The following H6PD variants were observed in gnomAD, a reference collection of about 807,000 sequenced individuals.
The protein encoded by H6PD is GDH/6PGL endoplasmic bifunctional protein.
A neutral mutation model predicts 61.2 loss-of-function variants in H6PD; 48 were observed. The observed-to-expected ratio is 0.78, with a 90% CI of 0.62 to 1.00. H6PD has a LOEUF of 1.00. Among genes scored for constraint, H6PD ranks in the 50% least tolerant of loss-of-function variants. The probability of loss-of-function intolerance (pLI) is 0.00; values close to 1 mark genes in which losing one functional copy is unlikely to be tolerated. For synonymous variants in H6PD, 480 were observed against 457.9 expected, an observed-to-expected ratio of 1.05 and a Z score of -0.62; for missense variants, 1,093 against 1,065.0, an observed-to-expected ratio of 1.03 and a Z score of -0.37.
intron 3 of H6PD, among the ~76,000 whole-genome samples, chr1:9,248,846 C>T (rs1306185800): frequency 6.6e-6 from 1 of 152,218 alleles, no homozygotes; most frequent in Non-Finnish European, 1.5e-5. Flanking sequence ...CTCAGGGAAT[C>T]GTCCTCCAGC....
intron 1 of H6PD, among the ~76,000 whole-genome samples, chr1:9,237,722 C>T (rs936194857): frequency 9.2e-5 from 14 of 152,082 alleles, no homozygotes; most frequent in African/African-American, 3.4e-4. Context: ...AGTGTTGTTC[C>T]AAGTAGTAAG....
intron 3 of H6PD, among the ~76,000 whole-genome samples, chr1:9,253,911 G>T (rs1641440984): frequency 6.6e-6 from 1 of 152,200 alleles, no homozygotes; most frequent in Admixed American, 6.5e-5. Flanking sequence ...TTTCCTGTGT[G>T]CTAGCCACTG....
At chr1:9,242,042 C>T (rs1004330051) in intron 1 of H6PD, among the ~76,000 whole-genome samples, 4 of 152,192 alleles carry the variant, frequency 2.6e-5, no homozygotes, top group African/African-American at 9.7e-5. Flanking sequence ...CCATTTGAGA[C>T]TGTTTCGAAA....
intron 3 of H6PD, among the ~76,000 whole-genome samples, chr1:9,260,129 G>A (rs375990511): frequency 4.0e-5 from 6 of 151,742 alleles, no homozygotes; most frequent in Admixed American, 1.3e-4. Flanking sequence ...GTGTTGTTAC[G>A]TTGCTGTTAG....
chr1:9,264,668 A>G lies in H6PD; in HGVS notation c.2175A>G (p.Pro725=), dbSNP rs960394424. ...TGCTGACCACGAGCCCCTCCCAGCCACACCGCCGCATGAGCCTTAGCCTGC... is the reference window on the plus strand; with the variant it reads ...TGCTGACCACGAGCCCCTCCCAGCCGCACCGCCGCATGAGCCTTAGCCTGC... ...LVVLTTSPSQ[P]HRRMSLSLPL... Residue 725 remains proline (P), a synonymous_variant, in exon 5 of 5, where the codon CCA becomes CCG. Coordinates refer to ENST00000377403, the MANE Select transcript of H6PD (RefSeq NM_004285.4). 5 of 1,613,072 alleles carry G rather than the reference A, an allele frequency of 3.1e-6. No individual in the cohort carries two copies. The highest frequency in any genetic ancestry group is 2.2e-5 in the East Asian group (1 of 44,892).
intron 1 of H6PD, among the ~76,000 whole-genome samples, chr1:9,237,875 T>A (rs2100302786): frequency 6.6e-6 from 1 of 152,336 alleles, no homozygotes; most frequent in East Asian, 1.9e-4. Flanking sequence ...TAGAGCGCCT[T>A]CTGTATGCCA....
chr1:9,236,012 G>T (rs1289876439), intron 1 of H6PD, among the ~76,000 whole-genome samples: 1 of 152,100 alleles, frequency 6.6e-6, no homozygotes, highest in African/African-American at 2.4e-5. Flanking sequence ...TTTTTCTGTG[G>T]TTGATGGTTA....
chr1:9,253,679 C>T (rs1256901367), intron 3 of H6PD, among the ~76,000 whole-genome samples: 3 of 152,316 alleles, frequency 2.0e-5, no homozygotes, highest in Non-Finnish European at 2.9e-5. Flanking sequence ...CTAGTTTATA[C>T]CTCCAGCCGC....
rs41280762 is a variant in H6PD at position 9,266,376 on chromosome 1, T to C, written c.*1507T>C. On this transcript the variant is annotated 3_prime_UTR_variant, in exon 5 of 5. Transcript: ENST00000377403. Reference sequence around the variant, plus strand: ...CGGGTATCTTCTCAGTGAGCATAGGTTGGGGACTGTGATCTTGAGAAGCCA... The same window carrying C: ...CGGGTATCTTCTCAGTGAGCATAGGCTGGGGACTGTGATCTTGAGAAGCCA... 3,664 of 152,330 alleles carry C rather than the reference T, an allele frequency of 0.024. 69 individuals carry two copies. Among genetic ancestry groups the C allele is most frequent in the Middle Eastern group, 0.054 (16 of 294 alleles). 9.4% of individuals were successfully genotyped at this position (152,330 alleles called of 1,614,324 possible).
chr1:9,244,602 G>C (rs527852739), intron 1 of H6PD, among the ~76,000 whole-genome samples: 9 of 152,320 alleles, frequency 5.9e-5, no homozygotes, highest in African/African-American at 2.2e-4. Context: ...AAAATGGACA[G>C]CTCCACTCCC....
At position 9,263,254 on chromosome 1, in the gene H6PD, G is replaced by T. The variant is rs1180178513; in HGVS notation, c.1016-255G>T. ...CTCAGCCCGGTTCTCCTTTCCTGGG[G>T]GACCATAACTCTAAGAGGGGCCTCA... is the stretch of plus-strand genomic sequence containing the variant. On this transcript the variant is annotated intron_variant, in intron 4 of 4. Coordinates refer to ENST00000377403, the MANE Select transcript of H6PD (RefSeq NM_004285.4). Among the ~76,000 whole-genome samples the T allele has an allele frequency of 2.6e-5, 4 of 152,284 alleles. No individual in the cohort carries two copies. In the East Asian group the frequency reaches 7.7e-4, roughly 29 times the overall value.
chr1:9,245,651 G>C lies in H6PD; in HGVS notation c.627+90G>C, dbSNP rs910028601. The C allele has an allele frequency of 5.3e-6, 7 of 1,313,404 alleles. No homozygotes were observed. Among genetic ancestry groups the C allele is most frequent in the Non-Finnish European group, 7.6e-6 (7 of 919,684 alleles). The allele number at this position is 1,313,404 out of a possible 1,614,324, so 81.4% of individuals were successfully genotyped here. ...AAGCCGCTCGCTCATTGTGGAGCTAGGCCCCAAGGCATTGTGAACTCAGAG... is the reference window on the plus strand; with the variant it reads ...AAGCCGCTCGCTCATTGTGGAGCTACGCCCCAAGGCATTGTGAACTCAGAG... On this transcript the variant is annotated intron_variant, in intron 2 of 4. Transcript: ENST00000377403. This position sits in a 1 kb window ranked among gnomAD's most constrained non-coding sequence, Gnocchi z 4.8.
At chr1:9,257,672 G>C (rs1041719890) in intron 3 of H6PD, among the ~76,000 whole-genome samples, 11 of 152,216 alleles carry the variant, frequency 7.2e-5, no homozygotes, top group African/African-American at 2.7e-4. Context: ...ATTACAGTCA[G>C]CTGGGCTAGA....
intron 3 of H6PD, among the ~76,000 whole-genome samples, chr1:9,257,481 T>C (rs191652769): frequency 2.6e-5 from 4 of 152,206 alleles, no homozygotes; most frequent in East Asian, 3.8e-4. Context: ...AAAGTAATCA[T>C]GTTGCTTTCT....
chr1:9,261,979 G>C, intron 3 of H6PD, 80 bp from the exon 4 acceptor site: 1 of 1,417,950 alleles, frequency 7.1e-7, no homozygotes, highest in Non-Finnish European at 1.0e-6. Flanking sequence ...GTGCGGGCTG[G>C]GGTTTTGGTG....
rs1386552693 is a variant in H6PD at position 9,270,410 on chromosome 1, T to C, written c.*5541T>C. 6.6e-6 allele frequency: 1 copy of C among 152,250 alleles called. No homozygotes were observed. Among genetic ancestry groups the C allele is most frequent in the Non-Finnish European group, 1.5e-5 (1 of 68,036 alleles). 9.4% of individuals were successfully genotyped at this position (152,250 alleles called of 1,614,324 possible). ...CACAGAAGTCTAGAGGCGTCTGTTA[T>C]AAAGCGTTACGGGGCGCCTGCATGC... On this transcript the variant is annotated 3_prime_UTR_variant, in exon 5 of 5. Coordinates refer to ENST00000377403, the MANE Select transcript of H6PD (RefSeq NM_004285.4).
At position 9,264,134 on chromosome 1, in the gene H6PD, G is replaced by A. The variant is rs571784425; in HGVS notation, c.1641G>A (p.Arg547=). ...APMPSDFQVL[R]AKYRESPLVS... is the part of the protein sequence containing the mutation. ...TGCCCAGTGACTTCCAGGTCCTCAGGGCCAAGTACCGAGAGAGCCCGCTGG... is the reference window on the plus strand; with the variant it reads ...TGCCCAGTGACTTCCAGGTCCTCAGAGCCAAGTACCGAGAGAGCCCGCTGG... The change falls in exon 5 of 5, where the codon AGG becomes AGA. Residue 547 remains arginine, a synonymous_variant. Coordinates refer to ENST00000377403, the MANE Select transcript of H6PD (RefSeq NM_004285.4). 74 of 1,613,682 alleles carry A rather than the reference G, an allele frequency of 4.6e-5. 1 individual carries two copies. The Admixed American group carries it at 8.5e-4, about 19-fold the overall frequency.
intron 1 of H6PD, among the ~76,000 whole-genome samples, chr1:9,237,666 T>G (rs1192469962): frequency 6.6e-6 from 1 of 152,226 alleles, no homozygotes; most frequent in Non-Finnish European, 1.5e-5. Flanking sequence ...AGCCTAGCAT[T>G]TGGCATATAG....
At chr1:9,261,959 C>A in intron 3 of H6PD, 100 bp from the exon 4 acceptor site, 1 of 1,184,672 alleles carries the variant, frequency 8.4e-7, no homozygotes, top group Non-Finnish European at 1.3e-6. Context: ...GAAGAGGATG[C>A]AGGATGAATG....
Sources: gnomAD v4.1 joint callset for allele counts (sites outside exome capture counted in the v4.1 genomes callset) on GRCh38, gnomAD v4.1.1 for gene constraint, Gnocchi (gnomAD v3.1) non-coding constraint, MANE v1.5 for transcripts, NCBI Gene and HGNC (gene_info 2026-07-23, HGNC 2026-07-21) for gene names.